Variants in NSMCE2 observed in about 807,000 individuals in gnomAD.
The protein encoded by NSMCE2 is E3 SUMO-protein ligase NSE2.
In NSMCE2, 24 loss-of-function variants were observed where a neutral mutation model predicts 23.8. The ratio of observed to expected loss-of-function variants is 1.01; its 90% CI spans 0.73 to 1.42. The LOEUF (loss-of-function observed/expected upper bound fraction) is 1.42. NSMCE2 is among the 40% of genes most tolerant of loss of function. The probability of loss-of-function intolerance (pLI) is 0.00; values close to 1 mark genes in which losing one functional copy is unlikely to be tolerated. For missense variants in NSMCE2, 284 were observed against 296.5 expected (o/e 0.96, Z 0.31); for synonymous variants, 92 against 94.1 (o/e 0.98, Z 0.13).
intron 3 of NSMCE2, among the ~76,000 whole-genome samples, chr8:125,141,436 C>T (rs1209877603): frequency 6.6e-6 from 1 of 152,176 alleles, no homozygotes; most frequent in East Asian, 1.9e-4. Flanking sequence ...GTCTTGAGGT[C>T]AGTCATAACT....
rs115932774 is a variant in NSMCE2 at position 125,317,145 on chromosome 8, C to T, written c.419-40074C>T. On this transcript the variant is annotated intron_variant, in intron 5 of 7. Coordinates refer to ENST00000287437, the MANE Select transcript of NSMCE2 (RefSeq NM_173685.4). ...TCCCAGAATACCCTCAAGATGAGTC[C>T]ATCCTGGGAAAAAAATAAGACTATG... Among the ~76,000 whole-genome samples, 1,153 of 151,650 alleles carry T rather than the reference C, an allele frequency of 7.6e-3. 11 individuals carry two copies. Among genetic ancestry groups the T allele is most frequent in the African/African-American group, 0.027 (1,107 of 41,366 alleles).
chr8:125,150,679 G>C (rs1820963048), intron 3 of NSMCE2, among the ~76,000 whole-genome samples: 1 of 151,930 alleles, frequency 6.6e-6, no homozygotes, highest in Non-Finnish European at 1.5e-5. Context: ...ACCACGCCCG[G>C]CTGCTATCTT....
intron 5 of NSMCE2, among the ~76,000 whole-genome samples, chr8:125,262,967 T>C (rs1826761170): frequency 6.6e-6 from 1 of 152,216 alleles, no homozygotes; most frequent in Non-Finnish European, 1.5e-5. Context: ...ATTGTTCTCT[T>C]GAACTAGATC....
intron 5 of NSMCE2, among the ~76,000 whole-genome samples, chr8:125,188,538 G>A (rs922478653): frequency 6.6e-6 from 1 of 152,202 alleles, no homozygotes; most frequent in South Asian, 2.1e-4. Context: ...AGAAATCTAA[G>A]TTACTAGATT....
At chr8:125,177,157 G>T (rs763632844) in intron 4 of NSMCE2, among the ~76,000 whole-genome samples, 1 of 152,178 alleles carries the variant, frequency 6.6e-6, no homozygotes, top group Non-Finnish European at 1.5e-5. Context: ...AGAAGGAAAA[G>T]AATAAAAGTT....
rs776366878 is a variant in NSMCE2 at position 125,342,658 on chromosome 8, C to G, written c.419-14561C>G. On this transcript the variant is annotated intron_variant, in intron 5 of 7. Transcript: ENST00000287437. ...CCTCCCTCCCTCTTTCCCTCCCTCTCTCTTACTTTCATTTTATTTCTTCCT... is the reference window on the plus strand; with the variant it reads ...CCTCCCTCCCTCTTTCCCTCCCTCTGTCTTACTTTCATTTTATTTCTTCCT... 5.3e-5 allele frequency among the ~76,000 whole-genome samples: 8 copies of G among 152,256 alleles called. No individual in the cohort carries two copies. The East Asian group carries it at 1.5e-3, about 29-fold the overall frequency.
At chr8:125,101,164 A>G (rs1278109505) in intron 1 of NSMCE2, among the ~76,000 whole-genome samples, 3 of 152,188 alleles carry the variant, frequency 2.0e-5, no homozygotes, top group Non-Finnish European at 4.4e-5. Flanking sequence ...GGATTTTTGA[A>G]TGGGTCTCAT....
chr8:125,329,936 T>C (rs1254121737), intron 5 of NSMCE2, among the ~76,000 whole-genome samples: 28 of 152,078 alleles, frequency 1.8e-4, no homozygotes, highest in Non-Finnish European at 1.9e-4. Context: ...GACTGGTTGT[T>C]ATTTTTTTTG....
At chr8:125,102,734 G>C (rs1321124562) in intron 3 of NSMCE2, among the ~76,000 whole-genome samples, 1 of 152,146 alleles carries the variant, frequency 6.6e-6, no homozygotes, top group African/African-American at 2.4e-5. Context: ...AAGATTTGAA[G>C]ATCCTGACCC....
At chr8:125,266,085 A>AT (rs751409510) in intron 5 of NSMCE2, among the ~76,000 whole-genome samples, 18 of 131,598 alleles carry the variant, frequency 1.4e-4, no homozygotes, top group Non-Finnish European at 2.3e-4. Flanking sequence ...GGCAGGTCAA[A>AT]TTTTTTCTTT....
intron 5 of NSMCE2, among the ~76,000 whole-genome samples, chr8:125,279,933 A>G (rs1174257216): frequency 1.3e-5 from 2 of 152,180 alleles, no homozygotes; most frequent in Non-Finnish European, 2.9e-5. Context: ...CTCTCTATCA[A>G]TGAGTAAGAA....
intron 5 of NSMCE2, among the ~76,000 whole-genome samples, chr8:125,317,353 T>C (rs1192859174): frequency 6.6e-6 from 1 of 151,538 alleles, no homozygotes; most frequent in Non-Finnish European, 1.5e-5. Context: ...CATGCCACCA[T>C]GCCTGGCTAA....
At chr8:125,264,514 C>A (rs59099103) in intron 5 of NSMCE2, among the ~76,000 whole-genome samples, 12,878 of 152,196 alleles carry the variant, frequency 0.085, 609 homozygotes, top group African/African-American at 0.13. Context: ...TGAAACAATT[C>A]TCATTCCTCG....
intron 5 of NSMCE2, among the ~76,000 whole-genome samples, chr8:125,312,331 A>G (rs991667745): frequency 7.2e-5 from 11 of 152,054 alleles, no homozygotes; most frequent in Non-Finnish European, 1.5e-4. Context: ...TTTCTTTTAT[A>G]AATGTGTATT....
chr8:125,293,176 T>G (rs1828183040), intron 5 of NSMCE2, among the ~76,000 whole-genome samples: 1 of 152,166 alleles, frequency 6.6e-6, no homozygotes. Context: ...AAGAATGCTA[T>G]TACTATTATA....
chr8:125,232,350 T>A (rs954343859), intron 5 of NSMCE2, among the ~76,000 whole-genome samples: 2 of 150,068 alleles, frequency 1.3e-5, no homozygotes, highest in Non-Finnish European at 3.0e-5. Context: ...GCAACAAGAG[T>A]GAAACTCCGT....
At chr8:125,129,929 A>G (rs1204148664) in intron 3 of NSMCE2, among the ~76,000 whole-genome samples, 1 of 152,170 alleles carries the variant, frequency 6.6e-6, no homozygotes, top group Non-Finnish European at 1.5e-5. Flanking sequence ...ACATTTGTCA[A>G]AACTAAGGAA....
intron 5 of NSMCE2, among the ~76,000 whole-genome samples, chr8:125,237,781 C>A (rs545870180): frequency 6.6e-6 from 1 of 152,144 alleles, no homozygotes; most frequent in Non-Finnish European, 1.5e-5. Context: ...TACCTTGTGG[C>A]CATCTGTTGG....
intron 5 of NSMCE2, among the ~76,000 whole-genome samples, chr8:125,356,021 T>C (rs920830956): frequency 6.6e-6 from 1 of 152,134 alleles, no homozygotes. Flanking sequence ...GTCAAAACTG[T>C]CTTTATAATA....
Sources: allele counts gnomAD v4.1 joint callset (sites outside exome capture counted in the v4.1 genomes callset), GRCh38; gene constraint gnomAD v4.1.1; transcripts MANE v1.5; gene names NCBI Gene and HGNC (gene_info 2026-07-23, HGNC 2026-07-21).